DGKZ: variants seen among roughly 807,000 people sequenced by gnomAD.
The protein encoded by DGKZ is DAG kinase zeta.
In DGKZ, 45 loss-of-function variants were observed where a neutral mutation model predicts 142.5. The observed-to-expected ratio is 0.32, with a 90% CI of 0.25 to 0.40. The LOEUF is 0.40. Among genes scored for constraint, DGKZ ranks in the 10% least tolerant of loss-of-function variants. The pLI is 1.00. For missense variants in DGKZ, 755 were observed against 1,306.5 expected (o/e 0.58, Z 6.51); for synonymous variants, 442 against 527.0 (o/e 0.84, Z 2.21).
chr11:46,345,442 G>C, upstream of DGKZ: 1 of 1,468,930 alleles, frequency 6.8e-7, no homozygotes, highest in Non-Finnish European at 9.0e-7. The surrounding 1 kb of genome is among the most constrained non-coding windows in gnomAD (Gnocchi z 4.1). Context: ...ACAGTGCCGG[G>C]GGAAGCTGCA....
upstream of DGKZ, chr11:46,345,279 C>A: frequency 7.4e-7 from 1 of 1,359,192 alleles, no homozygotes; most frequent in Non-Finnish European, 9.4e-7. This position sits in a 1 kb window ranked among gnomAD's most constrained non-coding sequence, Gnocchi z 4.1. Flanking sequence ...CTGGCCCCAG[C>A]CAGCGGAAGG....
chr11:46,367,898 G>A lies in DGKZ; in HGVS notation c.367-104G>A, dbSNP rs11038876. 14 of 1,517,490 alleles carry A rather than the reference G, an allele frequency of 9.2e-6. No individual in the cohort carries two copies. The highest frequency in any genetic ancestry group is 4.5e-5 in the South Asian group (4 of 88,742). The allele number at this position is 1,517,490 out of a possible 1,614,324, so 94.0% of individuals were successfully genotyped here. A position where few individuals can be genotyped will look rare whatever the true frequency, so the allele number is the denominator to read the frequency against. On this transcript the variant is annotated intron_variant, in intron 3 of 30. Coordinates refer to ENST00000527911, the Ensembl canonical transcript of DGKZ. The surrounding 1 kb of genome is among the most constrained non-coding windows in gnomAD (Gnocchi z 4.1). The stretch of plus-strand genomic sequence containing the variant: ...TGCAGGGGCTTTGTCCGGATGCCAG[G>A]ACTGGGGCTTCCCAGTGCACACAAA...
chr11:46,365,933 G>A, intron 1 of DGKZ: 1 of 985,396 alleles, frequency 1.0e-6, no homozygotes, highest in South Asian at 4.7e-5. Context: ...GGGGAAGAAG[G>A]GGTAGCCTGA....
chr11:46,350,901 G>T (rs1941299457), intron 1 of DGKZ, among the ~76,000 whole-genome samples: 1 of 147,070 alleles, frequency 6.8e-6, no homozygotes, highest in Non-Finnish European at 1.5e-5. Flanking sequence ...TCCCCAGCTT[G>T]TGGATTCCTC....
At chr11:46,361,750 C>A (rs1174192726) in intron 1 of DGKZ, 5 of 883,734 alleles carry the variant, frequency 5.7e-6, no homozygotes, top group African/African-American at 1.8e-5. Context: ...TGCTTCCTCC[C>A]TCTGTATCTG....
chr11:46,355,109 T>G (rs967631580), intron 1 of DGKZ, among the ~76,000 whole-genome samples: 4 of 152,118 alleles, frequency 2.6e-5, no homozygotes, highest in African/African-American at 9.7e-5. Context: ...GTTTATTTTT[T>G]TATTTTATTT....
At chr11:46,362,448 C>A (rs890283822) in intron 1 of DGKZ, among the ~76,000 whole-genome samples, 1 of 152,182 alleles carries the variant, frequency 6.6e-6, no homozygotes, top group Admixed American at 6.5e-5. Context: ...CCTGGCCTCA[C>A]TGTGGGCAGA....
chr11:46,348,658 G>A (rs572689924), intron 1 of DGKZ, among the ~76,000 whole-genome samples: 1 of 152,198 alleles, frequency 6.6e-6, no homozygotes, highest in East Asian at 1.9e-4. Context: ...GCGGGGAACC[G>A]GGGGGAGAGT....
At chr11:46,354,153 G>A (rs1399785635) in intron 1 of DGKZ, among the ~76,000 whole-genome samples, 1 of 152,150 alleles carries the variant, frequency 6.6e-6, no homozygotes, top group Middle Eastern at 3.2e-3. Flanking sequence ...ACCATCCCTG[G>A]TAGACCCAGG....
In DGKZ at chr11:46,367,807, C is replaced by T. The variant is rs758692839; in HGVS notation, c.366+60C>T. 5.3e-5 allele frequency: 85 copies of T among 1,601,548 alleles called. No homozygotes were observed. The highest frequency in any genetic ancestry group is 6.8e-5 in the Non-Finnish European group (80 of 1,170,600). On this transcript the variant is annotated intron_variant, in intron 3 of 30. Coordinates refer to ENST00000527911, the Ensembl canonical transcript of DGKZ. This position sits in a 1 kb window ranked among gnomAD's most constrained non-coding sequence, Gnocchi z 4.1. ...GTGGAGCCAGTAGCCGCAGCCCTTC[C>T]GGGAACGTGGGATTGAGCCCGCTCC...
intron 1 of DGKZ, among the ~76,000 whole-genome samples, chr11:46,355,171 C>CAT (rs1941852297): frequency 6.6e-6 from 1 of 152,044 alleles, no homozygotes; most frequent in Non-Finnish European, 1.5e-5. Context: ...TGCAGTGGTG[C>CAT]GATCTCGGCT....
intron 1 of DGKZ, among the ~76,000 whole-genome samples, chr11:46,356,470 T>C (rs927948821): frequency 2.6e-5 from 4 of 152,030 alleles, no homozygotes; most frequent in African/African-American, 9.7e-5. Flanking sequence ...TTAGAAGCAA[T>C]GTGAGGCCCT....
chr11:46,361,574 G>A (rs1228008291), intron 1 of DGKZ: 1 of 957,434 alleles, frequency 1.0e-6, no homozygotes, highest in African/African-American at 1.8e-5. Flanking sequence ...AAGGGGGAGG[G>A]GGCAGAGGAG....
intron 29 of DGKZ, 22 bp downstream of exon 29, chr11:46,379,258 A>T: frequency 6.2e-7 from 1 of 1,613,070 alleles, no homozygotes; most frequent in Non-Finnish European, 8.5e-7. Context: ...GGCAGTGCAG[A>T]ACCGTGGTCA....
chr11:46,372,068 C>T lies in DGKZ; in HGVS notation c.832-7C>T. Reference sequence around the variant, plus strand: ...AGGAGCTTACAGCCTCTCACCTTGTCTCCCAGGAGGGCCGCTGGAGACCCT... The same window carrying T: ...AGGAGCTTACAGCCTCTCACCTTGTTTCCCAGGAGGGCCGCTGGAGACCCT... On this transcript the variant is annotated splice_region_variant and splice_polypyrimidine_tract_variant and intron_variant, in intron 9 of 30. Transcript: ENST00000527911. This position sits in a 1 kb window ranked among gnomAD's most constrained non-coding sequence, Gnocchi z 5.9. 6.2e-7 allele frequency: 1 copy of T among 1,606,104 alleles called. No homozygotes were observed. The highest frequency in any genetic ancestry group is 8.5e-7 in the Non-Finnish European group (1 of 1,176,532).
chr11:46,375,491 C>T lies in DGKZ; in HGVS notation c.1770C>T (p.Leu590=), dbSNP rs1288374227. Reference sequence around the variant, plus strand: ...TGACGCAGTGTCGCGAGGTGGTGCTCACCACATCCAAGGCCATCCCGGTGC... The same window carrying T: ...TGACGCAGTGTCGCGAGGTGGTGCTTACCACATCCAAGGCCATCCCGGTGC... The change falls in exon 20 of 31, where the codon CTC becomes CTT. Residue 590 remains leucine (L), a synonymous_variant. Coordinates refer to ENST00000527911, the Ensembl canonical transcript of DGKZ. The T allele has an allele frequency of 3.1e-6, 5 of 1,589,178 alleles. No individual in the cohort carries two copies. Among genetic ancestry groups the T allele is most frequent in the Non-Finnish European group, 4.3e-6 (5 of 1,173,876 alleles).
At chr11:46,337,104 T>G in intron 1 of DGKZ, among the ~76,000 whole-genome samples, 1 of 151,784 alleles carries the variant, frequency 6.6e-6, no homozygotes, top group East Asian at 1.9e-4. Flanking sequence ...TCAGCGTAAA[T>G]GATCAGGGTT....
intron 1 of DGKZ, among the ~76,000 whole-genome samples, chr11:46,357,717 G>A (rs1426758113): frequency 2.6e-5 from 4 of 152,236 alleles, no homozygotes; most frequent in African/African-American, 7.2e-5. Context: ...AGGCATGTGG[G>A]CTGAAAGAAG....
rs775434534 is a variant in DGKZ, at chr11:46,367,927, C to A, written c.367-75C>A. The A allele has an allele frequency of 6.4e-7, 1 of 1,561,546 alleles. No individual in the cohort carries two copies. Among genetic ancestry groups the A allele is most frequent in the Non-Finnish European group, 8.8e-7 (1 of 1,132,990 alleles). The stretch of plus-strand genomic sequence containing the variant: ...GGGGCTTCCCAGTGCACACAAAGGG[C>A]AGCTGTGCTGGGGCAGGCAGCCTCC... On this transcript the variant is annotated intron_variant, in intron 3 of 30. Transcript: ENST00000527911. The surrounding 1 kb of genome is among the most constrained non-coding windows in gnomAD (Gnocchi z 4.1).
Sources: gnomAD v4.1 joint callset for allele counts (sites outside exome capture counted in the v4.1 genomes callset) on GRCh38, gnomAD v4.1.1 for gene constraint, Gnocchi (gnomAD v3.1) non-coding constraint, MANE v1.5 for transcripts, NCBI Gene and HGNC (gene_info 2026-07-23, HGNC 2026-07-21) for gene names.